DLGAP3: variants seen among roughly 807,000 people sequenced by gnomAD.
The protein encoded by DLGAP3 is DLG associated protein 3.
DLGAP3 carries 17 observed loss-of-function variants against 81.2 expected under a neutral mutation model. The ratio of observed to expected loss-of-function variants is 0.21; its 90% CI spans 0.14 to 0.31. The LOEUF is 0.31. Ranked by LOEUF, DLGAP3 falls within the 10% of genes least tolerant of loss-of-function variation. The pLI is 1.00. For missense variants in DLGAP3, 1,124 were observed against 1,388.0 expected (o/e 0.81, Z 3.02); for synonymous variants, 577 against 587.4 (o/e 0.98, Z 0.26).
intron 8 of DLGAP3, among the ~76,000 whole-genome samples, chr1:34,879,273 A>G (rs1273213927): frequency 2.0e-5 from 3 of 152,154 alleles, no homozygotes; most frequent in Non-Finnish European, 4.4e-5. Context: ...CTGCAACTAG[A>G]CGGTCCCATC....
Position 34,927,099 on chromosome 1 carries a change from G to A in DLGAP3, c.-135+2352C>T, listed in dbSNP as rs191307845. On this transcript the variant is annotated intron_variant, in intron 1 of 11. Coordinates refer to ENST00000373347, the MANE Select transcript of DLGAP3 (RefSeq NM_001080418.3). ...AGGAATCAAGACAAGACAAGCCCAT[G>A]GCCTACCTCGGTGGTGGGTGTGGCT... Among the ~76,000 whole-genome samples the A allele has an allele frequency of 4.1e-3, 627 of 152,284 alleles. 2 individuals are homozygous for A. Among genetic ancestry groups the A allele is most frequent in the Non-Finnish European group, 5.5e-3 (377 of 68,026 alleles).
Position 34,886,233 on chromosome 1 carries a change from C to A in DLGAP3, c.1439G>T (p.Gly480Val). ...QLEAVCGSVF[G>V]ELESQAVDAL... ...GTCCACGGCCTGGGACTCCAGCTCC[C>A]CAAACACCGACCCGCACACGGCCTC... The change falls in exon 6 of 12, where the codon GGG (glycine) becomes GTG (valine). Residue 480 changes from glycine (G) to valine (V), a missense_variant. Physicochemically the swap from Gly to Val is moderately radical, Grantham distance 109 (BLOSUM62 -3). Transcript: ENST00000373347. The A allele has an allele frequency of 6.2e-7, 1 of 1,610,490 alleles. No homozygotes were observed. The highest frequency in any genetic ancestry group is 8.5e-7 in the Non-Finnish European group (1 of 1,178,760).
Position 34,904,625 on chromosome 1 carries a change from G to A in DLGAP3, c.759C>T (p.His253=). 1 of 1,614,200 alleles carries A rather than the reference G, an allele frequency of 6.2e-7. No homozygotes were observed. Among genetic ancestry groups the A allele is most frequent in the East Asian group, 2.2e-5 (1 of 44,876 alleles). The change falls in exon 3 of 12, where the codon CAC becomes CAT. Residue 253 remains histidine, a synonymous_variant. Coordinates refer to ENST00000373347, the MANE Select transcript of DLGAP3 (RefSeq NM_001080418.3). This position sits in a 1 kb window ranked among gnomAD's most constrained non-coding sequence, Gnocchi z 8.1. ...TCCACCAGCCTGTGGACTTGGCCTGGTGCCGCCCATCCCCCTTGCGGTCCT... is the reference window on the plus strand; with the variant it reads ...TCCACCAGCCTGTGGACTTGGCCTGATGCCGCCCATCCCCCTTGCGGTCCT... The part of the protein sequence containing the change: ...KSKDRKGDGR[H]QAKSTGWWSS...
chr1:34,905,920 C>T (rs1639543550), intron 2 of DLGAP3, among the ~76,000 whole-genome samples: 1 of 150,114 alleles, frequency 6.7e-6, no homozygotes, highest in South Asian at 2.1e-4. Flanking sequence ...AAGGGAGGAT[C>T]ACTTGAGCAC....
At chr1:34,894,963 G>A (rs1358332177) in intron 5 of DLGAP3, among the ~76,000 whole-genome samples, 12 of 152,268 alleles carry the variant, frequency 7.9e-5, no homozygotes, top group African/African-American at 2.9e-4. Context: ...GAGGTGATGG[G>A]TATGTCAATT....
intron 1 of DLGAP3, among the ~76,000 whole-genome samples, chr1:34,920,972 G>A: frequency 6.6e-6 from 1 of 152,146 alleles, no homozygotes; most frequent in African/African-American, 2.4e-5. Context: ...TAGACTGTTG[G>A]GGAGGTCTTT....
chr1:34,911,027 C>CA (rs1557496661), intron 1 of DLGAP3, among the ~76,000 whole-genome samples: 1 of 150,232 alleles, frequency 6.7e-6, no homozygotes, highest in African/African-American at 2.5e-5. Context: ...TATCCACCCC[C>CA]CCCCCACCAC....
chr1:34,905,182 C>T lies in DLGAP3; in HGVS notation c.202G>A (p.Gly68Arg). 1 of 1,581,772 alleles carries T rather than the reference C, an allele frequency of 6.3e-7. No homozygotes were observed. The highest frequency in any genetic ancestry group is 8.6e-7 in the Non-Finnish European group (1 of 1,163,940). Residue 68 changes from glycine to arginine, a missense_variant, in exon 3 of 12, where the codon GGG becomes AGG. Coordinates refer to ENST00000373347, the MANE Select transcript of DLGAP3 (RefSeq NM_001080418.3). ...CCTCCCTCAGGGCCTACCGACGGCC[C>T]CTCACTCAGGCTCAGGGGCCCTTCA... Reference protein sequence around the residue: ...SPEGPLSLSEGPSVGPEGGPA... With the variant: ...SPEGPLSLSERPSVGPEGGPA...
At chr1:34,899,207 T>C (rs372882419) in intron 5 of DLGAP3, among the ~76,000 whole-genome samples, 1 of 151,756 alleles carries the variant, frequency 6.6e-6, no homozygotes, top group South Asian at 2.1e-4. Context: ...TAGCTGGGAC[T>C]ACAGGCACCC....
At position 34,885,569 on chromosome 1, in the gene DLGAP3, G is replaced by A; in HGVS notation, c.1823C>T (p.Pro608Leu). 6.2e-7 allele frequency: 1 copy of A among 1,605,750 alleles called. No homozygotes were observed. Among genetic ancestry groups the A allele is most frequent in the Non-Finnish European group, 8.5e-7 (1 of 1,179,224 alleles). ...APVPPRASPK[P>L]PTLIIKTIPG... The stretch of plus-strand genomic sequence containing the variant: ...GATGGTCTTGATGATGAGTGTGGGG[G>A]GCTTGGGGCTGGCCCGGGGCGGCAC... Residue 608 changes from proline (P) to leucine (L), a missense_variant, in exon 7 of 12, where the codon CCC becomes CTC. Pro to Leu is a moderately conservative substitution (Grantham distance 98). Coordinates refer to ENST00000373347, the MANE Select transcript of DLGAP3 (RefSeq NM_001080418.3).
chr1:34,921,808 T>C (rs904812544), intron 1 of DLGAP3, among the ~76,000 whole-genome samples: 2 of 152,226 alleles, frequency 1.3e-5, no homozygotes, highest in Non-Finnish European at 2.9e-5. Flanking sequence ...GTAAATTCTG[T>C]TCACAAGTAT....
In DLGAP3 at chr1:34,868,761, G is replaced by T; in HGVS notation, c.2329C>A (p.Arg777Ser). 1 of 1,605,592 alleles carries T rather than the reference G, an allele frequency of 6.2e-7. No individual in the cohort carries two copies. The change falls in exon 9 of 12, where the codon CGC becomes AGC. Residue 777 changes from arginine (R) to serine (S), a missense_variant. Transcript: ENST00000373347. The surrounding 1 kb of genome is among the most constrained non-coding windows in gnomAD (Gnocchi z 7.5). The stretch of plus-strand genomic sequence containing the variant: ...GAGTCGGGGAGGCTACGTGAACCGC[G>T]CTCTATCCAGGAGTCACGGCGGCCG... Reference protein sequence around the residue: ...GAGRRDSWIERGSRSLPDSGR... With the variant: ...GAGRRDSWIESGSRSLPDSGR...
At chr1:34,896,979 A>G (rs768280201) in intron 5 of DLGAP3, among the ~76,000 whole-genome samples, 21 of 152,210 alleles carry the variant, frequency 1.4e-4, no homozygotes, top group Non-Finnish European at 2.9e-4. Context: ...TAAATGTACT[A>G]AACTCTCAAG....
At chr1:34,892,178 A>G (rs1639320567) in intron 5 of DLGAP3, among the ~76,000 whole-genome samples, 2 of 152,260 alleles carry the variant, frequency 1.3e-5, no homozygotes, top group African/African-American at 4.8e-5. Context: ...GATTAAATAA[A>G]GGAACAAATG....
intron 1 of DLGAP3, among the ~76,000 whole-genome samples, chr1:34,927,260 G>T (rs1557511449): frequency 6.6e-6 from 1 of 152,190 alleles, no homozygotes; most frequent in Non-Finnish European, 1.5e-5. Context: ...TCTGATGGGG[G>T]TGGGGAGAGT....
At chr1:34,923,124 G>A (rs183579542) in intron 1 of DLGAP3, among the ~76,000 whole-genome samples, 3 of 152,148 alleles carry the variant, frequency 2.0e-5, no homozygotes, top group South Asian at 2.1e-4. Flanking sequence ...AAGAAAGAAC[G>A]AAAGAAAAGA....
In DLGAP3 at chr1:34,868,012, C is replaced by T. The variant is rs1638912767; in HGVS notation, c.2486-385G>A. Among the ~76,000 whole-genome samples the T allele has an allele frequency of 1.3e-5, 2 of 152,224 alleles. No individual in the cohort carries two copies. Among genetic ancestry groups the T allele is most frequent in the Non-Finnish European group, 2.9e-5 (2 of 68,038 alleles). ...TCATCACTCCCCAGTGCATGCAAGA[C>T]TCCTTGGCTCTTTAAGAATGACCAA... On this transcript the variant is annotated intron_variant, in intron 9 of 11. Transcript: ENST00000373347. This position sits in a 1 kb window ranked among gnomAD's most constrained non-coding sequence, Gnocchi z 7.5.
At chr1:34,884,858 G>C (rs993079357) in intron 8 of DLGAP3, 120 bp downstream of exon 8, 13 of 800,074 alleles carry the variant, frequency 1.6e-5, no homozygotes, top group African/African-American at 1.2e-4. Flanking sequence ...TCTATAAAAA[G>C]GCTTGGTCTC....
In DLGAP3 at chr1:34,865,879, C is replaced by A; in HGVS notation, c.*204G>T. The A allele has an allele frequency of 1.5e-6, 1 of 669,048 alleles. No homozygotes were observed. Among genetic ancestry groups the A allele is most frequent in the Non-Finnish European group, 2.7e-6 (1 of 372,266 alleles). The allele number at this position is 669,048 out of a possible 1,614,324, so 41.4% of individuals were successfully genotyped here. On this transcript the variant is annotated 3_prime_UTR_variant, in exon 12 of 12. Coordinates refer to ENST00000373347, the MANE Select transcript of DLGAP3 (RefSeq NM_001080418.3). The stretch of plus-strand genomic sequence containing the variant: ...GTGAGGGGCGCAGGGCGGAGAGGCA[C>A]GGCCCCCTGCCCAGCCCGGGCGCCT...
Sources: allele counts gnomAD v4.1 joint callset (sites outside exome capture counted in the v4.1 genomes callset), GRCh38; gene constraint gnomAD v4.1.1; non-coding constraint Gnocchi (gnomAD v3.1); transcripts MANE v1.5; gene names NCBI Gene and HGNC (gene_info 2026-07-23, HGNC 2026-07-21).